The following ECM2 variants were observed in gnomAD, a reference collection of about 807,000 sequenced individuals.
ECM2 encodes the protein extracellular matrix protein 2.
ECM2 carries 57 observed loss-of-function variants against 67.5 expected under a neutral mutation model. That is an observed-to-expected ratio of 0.84 (90% CI 0.68 to 1.05). The LOEUF (loss-of-function observed/expected upper bound fraction) is 1.05. ECM2 is among the 50% of genes least tolerant of loss of function. The pLI, the probability that ECM2 is intolerant of heterozygous loss-of-function variation, is 0.00. For missense variants in ECM2, 741 were observed against 822.8 expected (o/e 0.90, Z 1.22); for synonymous variants, 258 against 294.5 (o/e 0.88, Z 1.27).
At chr9:92,519,192 C>T (rs139114072) in intron 2 of ECM2, among the ~76,000 whole-genome samples, 39 of 152,308 alleles carry the variant, frequency 2.6e-4, no homozygotes, top group African/African-American at 9.4e-4. Flanking sequence ...TTGCAATAGG[C>T]TAATCCCACC....
At chr9:92,523,449 T>A (rs331372) in intron 1 of ECM2, among the ~76,000 whole-genome samples, 137 of 152,250 alleles carry the variant, frequency 9.0e-4, no homozygotes, top group Middle Eastern at 3.4e-3. Context: ...CCCAAAGCCC[T>A]GTGGCAACAA....
upstream of ECM2, among the ~76,000 whole-genome samples, chr9:92,541,111 T>C (rs903877225): frequency 6.6e-6 from 1 of 151,602 alleles, no homozygotes; most frequent in Non-Finnish European, 1.5e-5. Context: ...AAAACAAAAT[T>C]AGCCAGGTGC....
intron 7 of ECM2, 59 bp downstream of exon 7, chr9:92,505,474 T>G: frequency 5.2e-6 from 7 of 1,358,252 alleles, no homozygotes; most frequent in Non-Finnish European, 7.1e-6. Context: ...TATATTTTGT[T>G]GTAGTGTACC....
At chr9:92,542,423 G>T in the ECM2 span, among the ~76,000 whole-genome samples, 2 of 151,072 alleles carry the variant, frequency 1.3e-5, no homozygotes, top group East Asian at 1.9e-4. Flanking sequence ...TTTTGCTTTT[G>T]TTGCCTGTGC....
At chr9:92,503,903 G>C (rs1193509005) in intron 7 of ECM2, among the ~76,000 whole-genome samples, 1 of 152,186 alleles carries the variant, frequency 6.6e-6, no homozygotes, top group African/African-American at 2.4e-5. Flanking sequence ...CAGCCTTGAG[G>C]CTGCATGGTT....
At chr9:92,533,303 CAAAAAAAA>C (rs1174584000) in intron 1 of ECM2, among the ~76,000 whole-genome samples, 44 of 29,870 alleles carry the variant, frequency 1.5e-3, no homozygotes, top group African/African-American at 4.9e-3. Context: ...CGGTCTCAAA[CAAAAAAAA>C]AAAAAAAAAA....
the ECM2 span, among the ~76,000 whole-genome samples, chr9:92,550,124 G>A: frequency 4.6e-5 from 7 of 152,274 alleles, no homozygotes; most frequent in African/African-American, 9.6e-5. Flanking sequence ...TGGGCCGGGC[G>A]TGGTGGCTCA....
At chr9:92,507,047 G>C (rs576800610) in intron 6 of ECM2, among the ~76,000 whole-genome samples, 74 of 152,122 alleles carry the variant, frequency 4.9e-4, no homozygotes, top group African/African-American at 1.7e-3. Context: ...ATCTGGCATT[G>C]CAGGCCCCCA....
chr9:92,550,872 ACAGCCCGCCACACTTTTCTACCCTATGC>A, the ECM2 span, among the ~76,000 whole-genome samples: 7 of 152,140 alleles, frequency 4.6e-5, no homozygotes, highest in African/African-American at 1.7e-4. Context: ...GAGCCAGTAC[ACAGCCCGCCACACTTTTCTACCCTATGC>A]CATGACCTAC....
chr9:92,495,718 T>C lies in ECM2; in HGVS notation c.*597A>G, dbSNP rs1846312304. ...AACAATGTACATAACCATAATATGATTTTCAAAACCAGGAAATTAACATTA... is the reference window on the plus strand; with the variant it reads ...AACAATGTACATAACCATAATATGACTTTCAAAACCAGGAAATTAACATTA... On this transcript the variant is annotated 3_prime_UTR_variant, in exon 10 of 10. Transcript: ENST00000344604. The C allele has an allele frequency of 1.1e-6, 1 of 918,708 alleles. No homozygotes were observed. Among genetic ancestry groups the C allele is most frequent in the South Asian group, 5.0e-5 (1 of 19,848 alleles). The allele number at this position is 918,708 out of a possible 1,614,324, so 56.9% of individuals were successfully genotyped here.
intron 1 of ECM2, 38 bp from the exon 2 acceptor site, chr9:92,522,931 A>C (rs1441707484): frequency 2.0e-6 from 3 of 1,503,448 alleles, no homozygotes; most frequent in Non-Finnish European, 2.6e-6. Flanking sequence ...GTGGTGACTA[A>C]ATTTTTACTT....
chr9:92,503,513 T>C (rs2131161858), intron 7 of ECM2, among the ~76,000 whole-genome samples: 1 of 152,374 alleles, frequency 6.6e-6, no homozygotes. Flanking sequence ...CAGCCTTAAT[T>C]TACAACCAAG....
At chr9:92,520,728 A>G (rs755407370) in intron 2 of ECM2, among the ~76,000 whole-genome samples, 1 of 152,232 alleles carries the variant, frequency 6.6e-6, no homozygotes, top group Admixed American at 6.5e-5. Flanking sequence ...CTGGTAGACA[A>G]TATGGATAAA....
At chr9:92,554,195 T>C in the ECM2 span, among the ~76,000 whole-genome samples, 2 of 152,090 alleles carry the variant, frequency 1.3e-5, no homozygotes. Context: ...ATTCTTTTTT[T>C]TTTTTGAGAC....
At chr9:92,536,250 C>T (rs1849156194), upstream of ECM2, among the ~76,000 whole-genome samples, 1 of 151,942 alleles carries the variant, frequency 6.6e-6, no homozygotes, top group African/African-American at 2.4e-5. Flanking sequence ...GCTGAAAAGG[C>T]AGAGTTGGAA....
At chr9:92,554,438 C>G in the ECM2 span, among the ~76,000 whole-genome samples, 1 of 152,192 alleles carries the variant, frequency 6.6e-6, no homozygotes, top group South Asian at 2.1e-4. Flanking sequence ...CCGCATCACC[C>G]TCCCAAAGTG....
intron 8 of ECM2, among the ~76,000 whole-genome samples, chr9:92,502,128 C>T (rs563556823): frequency 1.3e-5 from 2 of 152,286 alleles, no homozygotes; most frequent in East Asian, 3.9e-4. Context: ...ATCCTTCATT[C>T]AAACCTCCTG....
At chr9:92,516,935 A>G (rs1847763426) in intron 3 of ECM2, 1 of 152,254 alleles carries the variant, frequency 6.6e-6, no homozygotes, top group Non-Finnish European at 1.5e-5. Flanking sequence ...ACAAGAGAAG[A>G]TGTCCCTATC....
chr9:92,503,678 T>C (rs998125344), intron 7 of ECM2, among the ~76,000 whole-genome samples: 2 of 152,240 alleles, frequency 1.3e-5, no homozygotes, highest in Admixed American at 1.3e-4. Context: ...CTGGCATATA[T>C]CTTTAGTGTC....
Sources: gnomAD v4.1 joint callset for allele counts (sites outside exome capture counted in the v4.1 genomes callset) on GRCh38, gnomAD v4.1.1 for gene constraint, MANE v1.5 for transcripts, NCBI Gene and HGNC (gene_info 2026-07-23, HGNC 2026-07-21) for gene names.